The following MDGA2 variants were observed in gnomAD, a reference collection of about 807,000 sequenced individuals.
MDGA2 encodes MAM domain-containing glycosylphosphatidylinositol anchor protein 2.
Under a neutral mutation model 117.8 loss-of-function variants are expected in MDGA2, and 40 were observed. The ratio of observed to expected loss-of-function variants is 0.34; its 90% CI spans 0.26 to 0.44. MDGA2 has a LOEUF of 0.44. MDGA2 is among the 20% of genes least tolerant of loss of function. The pLI, the probability that MDGA2 is intolerant of heterozygous loss-of-function variation, is 1.00. For synonymous variants in MDGA2, 452 were observed against 439.0 expected (o/e 1.03, Z -0.37); for missense variants, 1,123 against 1,250.6 (o/e 0.90, Z 1.54).
intron 1 of MDGA2, among the ~76,000 whole-genome samples, chr14:47,443,005 A>G (rs61995189): frequency 0.011 from 1,728 of 152,136 alleles, 24 homozygotes; most frequent in Middle Eastern, 0.027. Flanking sequence ...GTGTTCAAGT[A>G]CCCTGATTTT....
rs1027054822 is a variant in MDGA2, at chr14:47,210,887, G to A, written c.595+7134C>T. ...TAGTCCTAGCTATTCAGGAGCCTGA[G>A]GGGGAGGATCCCTTGAGCCCAGGAG... is the stretch of plus-strand genomic sequence containing the variant. On this transcript the variant is annotated intron_variant, in intron 3 of 16. Transcript: ENST00000399232. Among the ~76,000 whole-genome samples the A allele has an allele frequency of 4.6e-4, 70 of 151,980 alleles. 2 individuals are homozygous for A. The highest frequency in any genetic ancestry group is 1.5e-5 in the Non-Finnish European group (1 of 68,030).
At position 47,322,772 on chromosome 14, in the gene MDGA2, GTTTA is replaced by G. The variant is rs1423348542; in HGVS notation, c.281-21226_281-21223del. 5.9e-5 allele frequency among the ~76,000 whole-genome samples: 9 copies of G among 152,170 alleles called. No homozygotes were observed. The East Asian group carries it at 1.7e-3, about 29-fold the overall frequency. On this transcript the variant is annotated intron_variant, in intron 1 of 16. Transcript: ENST00000399232. ...CCTGTTGTTATTACTATTCTTTAAA[GTTTA>G]TTTATCTGAAGTCTGAATATTTTTT...
At position 47,608,659 on chromosome 14, in the gene MDGA2, T is replaced by C. The variant is rs539026702; in HGVS notation, c.280+65858A>G. ...TGCCACTGTAAAGATCTTTGGCTTT[T>C]CTCTGAATAAGACAAGGAGTCACTG... On this transcript the variant is annotated intron_variant, in intron 1 of 16. Coordinates refer to ENST00000399232, the MANE Select transcript of MDGA2 (RefSeq NM_001113498.3). 2.2e-4 allele frequency among the ~76,000 whole-genome samples: 34 copies of C among 152,248 alleles called. No homozygotes were observed. The South Asian group carries it at 7.0e-3, about 32-fold the overall frequency.
At chr14:47,499,559 T>C (rs1894356092) in intron 1 of MDGA2, among the ~76,000 whole-genome samples, 1 of 152,168 alleles carries the variant, frequency 6.6e-6, no homozygotes, top group African/African-American at 2.4e-5. Context: ...TATTTTTATG[T>C]GCATTGCTAG....
intron 1 of MDGA2, among the ~76,000 whole-genome samples, chr14:47,409,050 C>A (rs955434256): frequency 2.6e-5 from 4 of 152,094 alleles, no homozygotes; most frequent in African/African-American, 9.7e-5. Flanking sequence ...TGGAAGACGG[C>A]ATGTGGCGAT....
chr14:47,264,274 T>C (rs935033847), intron 2 of MDGA2, among the ~76,000 whole-genome samples: 1 of 152,180 alleles, frequency 6.6e-6, no homozygotes, highest in South Asian at 2.1e-4. Context: ...CATGTCATTA[T>C]AGACATCATC....
At chr14:47,262,613 A>T (rs956421198) in intron 2 of MDGA2, among the ~76,000 whole-genome samples, 1 of 152,192 alleles carries the variant, frequency 6.6e-6, no homozygotes, top group Non-Finnish European at 1.5e-5. Context: ...TAGGCCATCA[A>T]TCTGAAGAAT....
intron 1 of MDGA2, among the ~76,000 whole-genome samples, chr14:47,665,556 C>A (rs1897930097): frequency 6.6e-6 from 1 of 152,142 alleles, no homozygotes; most frequent in African/African-American, 2.4e-5. Flanking sequence ...GGAACCAGGG[C>A]TGCGCTGGGC....
chr14:47,071,951 G>C (rs1216424214), intron 6 of MDGA2, among the ~76,000 whole-genome samples: 1 of 151,890 alleles, frequency 6.6e-6, no homozygotes, highest in Non-Finnish European at 1.5e-5. Flanking sequence ...CTTTATACAG[G>C]AACCAAAGGA....
chr14:47,497,651 G>A (rs6572432), intron 1 of MDGA2, among the ~76,000 whole-genome samples: 64,189 of 151,964 alleles, frequency 0.42, 14,302 homozygotes, highest in East Asian at 0.61. Context: ...AATTTACTGA[G>A]TCTGCTTGTA....
At chr14:47,544,651 A>G (rs1895423394) in intron 1 of MDGA2, among the ~76,000 whole-genome samples, 1 of 152,190 alleles carries the variant, frequency 6.6e-6, no homozygotes, top group Non-Finnish European at 1.5e-5. Flanking sequence ...ACTGAATACC[A>G]GGTCAACTGG....
At chr14:46,944,509 G>T (rs937592390) in intron 9 of MDGA2, among the ~76,000 whole-genome samples, 12 of 151,746 alleles carry the variant, frequency 7.9e-5, no homozygotes, top group Non-Finnish European at 2.9e-5. Context: ...TCGTAAATTT[G>T]TGGAAAATTT....
intron 1 of MDGA2, among the ~76,000 whole-genome samples, chr14:47,475,414 T>C (rs112683007): frequency 0.23 from 34,348 of 152,152 alleles, 4,892 homozygotes; most frequent in South Asian, 0.47. Context: ...GAAGACAGTG[T>C]GGCAATTCCT....
chr14:46,875,851 T>G (rs1417114597), intron 12 of MDGA2, among the ~76,000 whole-genome samples: 1 of 151,632 alleles, frequency 6.6e-6, no homozygotes, highest in Non-Finnish European at 1.5e-5. Context: ...ATGTATCTAC[T>G]GCCAAGTCTT....
At chr14:47,040,780 TTTA>T (rs1401763208) in intron 7 of MDGA2, among the ~76,000 whole-genome samples, 1 of 152,200 alleles carries the variant, frequency 6.6e-6, no homozygotes, top group African/African-American at 2.4e-5. Flanking sequence ...GTTTTACCCA[TTTA>T]ACCTGTCCTT....
intron 1 of MDGA2, among the ~76,000 whole-genome samples, chr14:47,328,129 T>A (rs1209631568): frequency 6.6e-6 from 1 of 152,162 alleles, no homozygotes; most frequent in Non-Finnish European, 1.5e-5. Flanking sequence ...TTCTTCATGA[T>A]CAAAAGATTG....
chr14:47,583,862 A>T (rs1896273167), intron 1 of MDGA2, among the ~76,000 whole-genome samples: 1 of 151,710 alleles, frequency 6.6e-6, no homozygotes, highest in Admixed American at 6.6e-5. Flanking sequence ...TTTTATTTTT[A>T]ATTACTTTAA....
intron 8 of MDGA2, among the ~76,000 whole-genome samples, chr14:47,002,268 G>A (rs1306173285): frequency 1.3e-5 from 2 of 151,962 alleles, no homozygotes; most frequent in African/African-American, 4.8e-5. Context: ...TCATGAATAT[G>A]GTCTGAAGTC....
At chr14:47,572,004 G>A (rs1348199027) in intron 1 of MDGA2, among the ~76,000 whole-genome samples, 1 of 152,184 alleles carries the variant, frequency 6.6e-6, no homozygotes, top group Admixed American at 6.5e-5. Flanking sequence ...AAAAGTATAT[G>A]CAGTCAGAAT....
Sources: allele counts gnomAD v4.1 joint callset (sites outside exome capture counted in the v4.1 genomes callset), GRCh38; gene constraint gnomAD v4.1.1; transcripts MANE v1.5; gene names NCBI Gene and HGNC (gene_info 2026-07-23, HGNC 2026-07-21).